PPP1R13B: variants seen among roughly 807,000 people sequenced by gnomAD.
PPP1R13B encodes protein phosphatase 1 regulatory subunit 13B.
In PPP1R13B, 44 loss-of-function variants were observed where a neutral mutation model predicts 119.8. That is an observed-to-expected ratio of 0.37 (90% CI 0.29 to 0.47). The LOEUF is 0.47. Among genes scored for constraint, PPP1R13B ranks in the 20% least tolerant of loss-of-function variants. PPP1R13B has a pLI of 0.99. For synonymous variants in PPP1R13B, 542 were observed against 561.5 expected (o/e 0.97, Z 0.49); for missense variants, 1,227 against 1,413.5 (o/e 0.87, Z 2.12).
intron 9 of PPP1R13B, among the ~76,000 whole-genome samples, chr14:103,746,155 T>TAGA (rs1401428976): frequency 1.3e-5 from 2 of 152,344 alleles, no homozygotes; most frequent in East Asian, 3.9e-4. Flanking sequence ...AGCCACACAG[T>TAGA]AGAGACCTCT....
intron 1 of PPP1R13B, among the ~76,000 whole-genome samples, chr14:103,802,645 T>C (rs1379511478): frequency 6.6e-6 from 1 of 152,204 alleles, no homozygotes; most frequent in Non-Finnish European, 1.5e-5. Context: ...TTGTGCTTAC[T>C]TGCTCTGAAA....
chr14:103,738,586 T>C lies in PPP1R13B; in HGVS notation c.2864+93A>G. ...TGGGTGTTCTTGCTCTAATTCTCTC[T>C]TCCGTGCTTCCTAATTGTCTAGAAC... On this transcript the variant is annotated intron_variant, in intron 14 of 16. Transcript: ENST00000202556. This position sits in a 1 kb window ranked among gnomAD's most constrained non-coding sequence, Gnocchi z 5.6. The C allele has an allele frequency of 1.9e-6, 3 of 1,546,268 alleles. No homozygotes were observed. Among genetic ancestry groups the C allele is most frequent in the Non-Finnish European group, 2.6e-6 (3 of 1,134,654 alleles).
chr14:103,800,119 A>G (rs1450627541), intron 1 of PPP1R13B, among the ~76,000 whole-genome samples: 2 of 152,200 alleles, frequency 1.3e-5, no homozygotes, highest in African/African-American at 4.8e-5. Flanking sequence ...ATTTTCTTTA[A>G]TCAGAAGGTA....
intron 1 of PPP1R13B, among the ~76,000 whole-genome samples, chr14:103,834,363 G>A (rs994486854): frequency 3.4e-4 from 52 of 152,020 alleles, no homozygotes; most frequent in African/African-American, 1.1e-3. Context: ...GTGACAGAGT[G>A]AGACTCTGTC....
intron 4 of PPP1R13B, among the ~76,000 whole-genome samples, chr14:103,760,415 T>G (rs563052052): frequency 1.1e-4 from 17 of 152,318 alleles, no homozygotes; most frequent in African/African-American, 4.1e-4. Flanking sequence ...CTCAGGCAAT[T>G]CAAGGTCCCT....
chr14:103,844,445 C>A (rs1448585965), intron 1 of PPP1R13B, among the ~76,000 whole-genome samples: 1 of 151,950 alleles, frequency 6.6e-6, no homozygotes, highest in Admixed American at 6.6e-5. Flanking sequence ...AAAGTTACCA[C>A]ATGGCCGGGC....
intron 6 of PPP1R13B, among the ~76,000 whole-genome samples, chr14:103,753,611 A>G (rs568082378): frequency 2.6e-4 from 39 of 152,356 alleles, no homozygotes; most frequent in Non-Finnish European, 4.9e-4. Context: ...ATCTTAATGC[A>G]CGGATACAAG....
At chr14:103,829,505 T>TCC (rs1393447477) in intron 1 of PPP1R13B, among the ~76,000 whole-genome samples, 1 of 152,198 alleles carries the variant, frequency 6.6e-6, no homozygotes, top group African/African-American at 2.4e-5. Flanking sequence ...CAAGCAACCC[T>TCC]CCTGCCTTGG....
At chr14:103,784,758 C>A in intron 3 of PPP1R13B, 37 bp downstream of exon 3, 1 of 1,541,996 alleles carries the variant, frequency 6.5e-7, no homozygotes. Context: ...ACTTTCCTAG[C>A]AAAAATTAAC....
chr14:103,781,817 A>G (rs1292206103), intron 3 of PPP1R13B, among the ~76,000 whole-genome samples: 4 of 151,890 alleles, frequency 2.6e-5, no homozygotes, highest in Admixed American at 2.6e-4. Flanking sequence ...ACACTCGGCT[A>G]ATTTTTTGGT....
chr14:103,826,719 A>AG (rs2086551016), intron 1 of PPP1R13B, among the ~76,000 whole-genome samples: 1 of 151,808 alleles, frequency 6.6e-6, no homozygotes, highest in African/African-American at 2.4e-5. Context: ...CCAAAAAAAA[A>AG]AAAAAAAAGC....
intron 16 of PPP1R13B, 118 bp downstream of exon 16, chr14:103,735,885 G>A (rs2084095629): frequency 2.6e-6 from 3 of 1,142,472 alleles, no homozygotes; most frequent in Non-Finnish European, 3.8e-6. Flanking sequence ...CTCTACAGAG[G>A]GGGCTGCTGA....
intron 9 of PPP1R13B, among the ~76,000 whole-genome samples, chr14:103,744,452 CCTGT>C (rs775116768): frequency 1.4e-4 from 21 of 152,218 alleles, no homozygotes; most frequent in Non-Finnish European, 1.8e-4. Context: ...AGACTCCATA[CCTGT>C]CTGTTGAAGA....
At position 103,740,359 on chromosome 14, in the gene PPP1R13B, T is replaced by C; in HGVS notation, c.2057A>G (p.Gln686Arg). ...TPIVHSPLRY[Q>R]SDADLEALRR... The stretch of plus-strand genomic sequence containing the variant: ...GAGGGCCTCCAGGTCTGCATCACTC[T>C]GGTAGCGCAGTGGCGAATGCACGAT... The change falls in exon 12 of 17, where the codon CAG (glutamine) becomes CGG (arginine). Residue 686 changes from glutamine to arginine, a missense_variant. Transcript: ENST00000202556. The surrounding 1 kb of genome is among the most constrained non-coding windows in gnomAD (Gnocchi z 4.6). 1.9e-6 allele frequency: 3 copies of C among 1,565,234 alleles called. No individual in the cohort carries two copies. Among genetic ancestry groups the C allele is most frequent in the Non-Finnish European group, 2.6e-6 (3 of 1,154,240 alleles).
At position 103,784,779 on chromosome 14, in the gene PPP1R13B, G is replaced by A. The variant is rs1417497737; in HGVS notation, c.277+16C>T. 2 of 1,552,642 alleles carry A rather than the reference G, an allele frequency of 1.3e-6. No homozygotes were observed. Among genetic ancestry groups the A allele is most frequent in the African/African-American group, 1.4e-5 (1 of 73,186 alleles). ...CTAGCAAAAATTAACAAATGAGGAA[G>A]AAAGCAGTTATCTACCTTGTTCACT... On this transcript the variant is annotated intron_variant, in intron 3 of 16. Transcript: ENST00000202556.
chr14:103,745,474 A>G (rs1013090448), intron 9 of PPP1R13B, among the ~76,000 whole-genome samples: 5 of 152,228 alleles, frequency 3.3e-5, no homozygotes, highest in African/African-American at 9.6e-5. Flanking sequence ...TCAGTCATAA[A>G]GAAAGTCTTA....
intron 4 of PPP1R13B, chr14:103,762,789 C>T (rs964831102): frequency 7.1e-5 from 54 of 765,352 alleles, no homozygotes; most frequent in Middle Eastern, 3.6e-4. Flanking sequence ...TGGCGGCGGC[C>T]GCCCGCTCCA....
At chr14:103,768,694 C>A (rs1275842814) in intron 4 of PPP1R13B, among the ~76,000 whole-genome samples, 1 of 152,162 alleles carries the variant, frequency 6.6e-6, no homozygotes, top group African/African-American at 2.4e-5. Context: ...CTCAGCCTCC[C>A]AAAGTGCTGG....
intron 4 of PPP1R13B, among the ~76,000 whole-genome samples, chr14:103,760,538 T>C (rs2084780531): frequency 6.6e-6 from 1 of 152,074 alleles, no homozygotes; most frequent in Non-Finnish European, 1.5e-5. Context: ...GTCAGGCAGG[T>C]GCCTACAAAT....
Sources: gnomAD v4.1 joint callset for allele counts (sites outside exome capture counted in the v4.1 genomes callset) on GRCh38, gnomAD v4.1.1 for gene constraint, Gnocchi (gnomAD v3.1) non-coding constraint, MANE v1.5 for transcripts, NCBI Gene and HGNC (gene_info 2026-07-23, HGNC 2026-07-21) for gene names.